Variants in MIA2 observed in about 807,000 individuals in gnomAD.
MIA2 encodes the protein MIA SH3 domain ER export factor 2, also known as melanoma inhibitory activity protein 2.
A neutral mutation model predicts 167.8 loss-of-function variants in MIA2; 127 were observed. That is an observed-to-expected ratio of 0.76 (90% CI 0.66 to 0.88). MIA2 has a LOEUF of 0.88. Among genes scored for constraint, MIA2 ranks in the 40% least tolerant of loss-of-function variants. The pLI, the probability that MIA2 is intolerant of heterozygous loss-of-function variation, is 0.00. For missense variants in MIA2, 1,690 were observed against 1,624.7 expected, an observed-to-expected ratio of 1.04 and a Z score of -0.69; for synonymous variants, 552 against 541.9, an observed-to-expected ratio of 1.02 and a Z score of -0.26.
At chr14:39,380,650 A>G (rs954198852) in intron 23 of MIA2, among the ~76,000 whole-genome samples, 7 of 142,704 alleles carry the variant, frequency 4.9e-5, no homozygotes, top group East Asian at 4.5e-4. Context: ...CTGAGATCGC[A>G]CCACTGCACT....
At chr14:39,369,549 T>A (rs886689663) in intron 23 of MIA2, among the ~76,000 whole-genome samples, 1 of 152,268 alleles carries the variant, frequency 6.6e-6, no homozygotes, top group African/African-American at 2.4e-5. Context: ...TGTGGCTTTC[T>A]CTAGTTATTT....
chr14:39,297,863 C>A (rs778113755), intron 13 of MIA2, among the ~76,000 whole-genome samples: 4 of 152,224 alleles, frequency 2.6e-5, no homozygotes, highest in Non-Finnish European at 5.9e-5. Context: ...TTTGTGCCTT[C>A]AAATCATGAG....
chr14:39,261,694 A>G (rs2055125105), intron 6 of MIA2, among the ~76,000 whole-genome samples: 1 of 152,140 alleles, frequency 6.6e-6, no homozygotes, highest in Non-Finnish European at 1.5e-5. Context: ...AACTGGTGTG[A>G]GATAGTATCT....
rs375094104 is a variant in MIA2, at chr14:39,303,570, A to C, written c.2787+46A>C. On this transcript the variant is annotated intron_variant, in intron 16 of 28. Transcript: ENST00000640607. The stretch of plus-strand genomic sequence containing the variant: ...AAAAAGAATAAGGAGGAAGAAAGAG[A>C]ACGTGGATTACTCATGTCCCAGTAA... 5.1e-6 allele frequency: 7 copies of C among 1,370,308 alleles called. No individual in the cohort carries two copies. In the African/African-American group the frequency reaches 1.0e-4, roughly 20 times the overall value. 84.9% of individuals were successfully genotyped at this position (1,370,308 alleles called of 1,614,324 possible). A position where few individuals can be genotyped will look rare whatever the true frequency, so the allele number is the denominator to read the frequency against.
chr14:39,247,768 T>A lies in MIA2; in HGVS notation c.1194T>A (p.Asp398Glu). Residue 398 changes from aspartate (D) to glutamate (E), a missense_variant, in exon 4 of 29, where the codon GAT (aspartate) becomes GAA (glutamate). Physicochemically the swap from Asp to Glu is conservative, Grantham distance 45. Transcript: ENST00000640607. ...AYAKEDKIML[D>E]DRKNEEDGGA... ...CCAAGGAAGATAAAATTATGTTAGA[T>A]GACAGGAAAAATGAAGAAGATGGTG... 1 of 1,613,562 alleles carries A rather than the reference T, an allele frequency of 6.2e-7. No homozygotes were observed. Among genetic ancestry groups the A allele is most frequent in the Middle Eastern group, 1.7e-4 (1 of 6,056 alleles).
rs544784773 is a variant in MIA2 at position 39,287,685 on chromosome 14, C to T, written c.2131-3334C>T. Among the ~76,000 whole-genome samples the T allele has an allele frequency of 2.4e-4, 36 of 152,168 alleles. 1 individual carries two copies. The South Asian group carries it at 7.1e-3, about 30-fold the overall frequency. Reference sequence around the variant, plus strand: ...TCAAGCAATTCTCCTGCGTCAGCCTCCTGAGTAGCTGGGACTACAGTCATG... The same window carrying T: ...TCAAGCAATTCTCCTGCGTCAGCCTTCTGAGTAGCTGGGACTACAGTCATG... On this transcript the variant is annotated intron_variant, in intron 9 of 28. Transcript: ENST00000640607.
chr14:39,243,091 C>G (rs2054126625), intron 3 of MIA2, among the ~76,000 whole-genome samples: 1 of 147,622 alleles, frequency 6.8e-6, no homozygotes, highest in Non-Finnish European at 1.5e-5. Context: ...CCACTGCACT[C>G]CAGCCTGGGT....
chr14:39,353,056 T>C (rs896972564), downstream of MIA2, among the ~76,000 whole-genome samples: 13 of 152,158 alleles, frequency 8.5e-5, no homozygotes, highest in African/African-American at 3.1e-4. Context: ...ACTGATTCTT[T>C]TTCTTTTATT....
At chr14:39,377,417 T>G (rs1678358593) in intron 23 of MIA2, among the ~76,000 whole-genome samples, 1 of 152,092 alleles carries the variant, frequency 6.6e-6, no homozygotes, top group African/African-American at 2.4e-5. Context: ...AAGCTTAATT[T>G]TTAGTGATTT....
intron 25 of MIA2, among the ~76,000 whole-genome samples, chr14:39,342,910 CT>C (rs1202599582): frequency 6.6e-6 from 1 of 152,086 alleles, no homozygotes; most frequent in African/African-American, 2.4e-5. Context: ...TACTTGAATT[CT>C]TTCCATGTTA....
intron 2 of MIA2, among the ~76,000 whole-genome samples, chr14:39,238,793 C>CATAAAAAAAAAAAAAAAAAAAAA: frequency 3.2e-5 from 1 of 30,806 alleles, no homozygotes; most frequent in Non-Finnish European, 5.0e-5. Flanking sequence ...GACCCTGTCT[C>CATAAAAAAAAAAAAAAAAAAAAA]AAAAAAAAAA....
chr14:39,277,396 C>T (rs2058159897), intron 7 of MIA2, among the ~76,000 whole-genome samples: 2 of 151,564 alleles, frequency 1.3e-5, no homozygotes, highest in South Asian at 4.2e-4. Flanking sequence ...CATGAGGACA[C>T]CCGTCTGTGG....
rs747741991 is a variant in MIA2 at position 39,277,013 on chromosome 14, CTGT to C, written c.1973_1975del (p.Val658del). ...CCATGGGAATTGGTGATATGTGCAG[CTGT>C]TGTTGGATTTTTTGCTGTTCTCTTT... On this transcript the variant is annotated inframe_deletion, in exon 7 of 29. Transcript: ENST00000640607. 1.2e-6 allele frequency: 2 copies of C among 1,613,874 alleles called. No individual in the cohort carries two copies. The highest frequency in any genetic ancestry group is 2.2e-5 in the South Asian group (2 of 91,064).
chr14:39,347,579 A>G lies in MIA2; in HGVS notation c.3779-134A>G, dbSNP rs538230289. Reference sequence around the variant, plus strand: ...ACCTCAAGCTGTTCTTGTGGCCGCAATATAGGATATTGGTGTCCAGCTGGC... The same window carrying G: ...ACCTCAAGCTGTTCTTGTGGCCGCAGTATAGGATATTGGTGTCCAGCTGGC... On this transcript the variant is annotated intron_variant, in intron 26 of 28. Transcript: ENST00000640607. The G allele has an allele frequency of 3.2e-4, 250 of 792,446 alleles. 4 individuals carry two copies. In the East Asian group the frequency reaches 5.9e-3, roughly 19 times the overall value. The allele number at this position is 792,446 out of a possible 1,614,324, so 49.1% of individuals were successfully genotyped here. A position where few individuals can be genotyped will look rare whatever the true frequency, so the allele number is the denominator to read the frequency against.
At chr14:39,243,852 C>T (rs766349655) in intron 3 of MIA2, among the ~76,000 whole-genome samples, 41 of 152,138 alleles carry the variant, frequency 2.7e-4, no homozygotes, top group African/African-American at 6.7e-4. Context: ...GGCAACAGAA[C>T]GAGACTCCAT....
chr14:39,340,492 G>A (rs567190172), intron 25 of MIA2, among the ~76,000 whole-genome samples: 15 of 152,312 alleles, frequency 9.8e-5, no homozygotes, highest in Admixed American at 2.6e-4. Flanking sequence ...ATGCATAGGC[G>A]TAGATTTTTA....
chr14:39,371,572 C>A (rs1423446260), intron 23 of MIA2, among the ~76,000 whole-genome samples: 1 of 152,134 alleles, frequency 6.6e-6, no homozygotes, highest in Non-Finnish European at 1.5e-5. Flanking sequence ...GCTACTTTTA[C>A]AGATTTTGAT....
chr14:39,315,624 A>T, intron 20 of MIA2, 59 bp from the exon 21 acceptor site: 1 of 1,288,324 alleles, frequency 7.8e-7, no homozygotes, highest in Non-Finnish European at 1.1e-6. Flanking sequence ...GGTAGATGTG[A>T]ATGTTTTTTA....
At chr14:39,352,294 T>C (rs1302449067), downstream of MIA2, among the ~76,000 whole-genome samples, 1 of 151,972 alleles carries the variant, frequency 6.6e-6, no homozygotes, top group Non-Finnish European at 1.5e-5. Flanking sequence ...CCTGCCTTTT[T>C]ACTAATTTCT....
Sources: allele counts gnomAD v4.1 joint callset (sites outside exome capture counted in the v4.1 genomes callset), GRCh38; gene constraint gnomAD v4.1.1; transcripts MANE v1.5; gene names NCBI Gene and HGNC (gene_info 2026-07-23, HGNC 2026-07-21).